Variants in NTN1 observed in about 807,000 individuals in gnomAD.
NTN1 encodes the protein netrin 1.
Under a neutral mutation model 54.2 loss-of-function variants are expected in NTN1, and 11 were observed. The observed-to-expected ratio is 0.20, with a 90% CI of 0.13 to 0.34. NTN1 has a LOEUF of 0.34. Ranked by LOEUF, NTN1 falls within the 10% of genes least tolerant of loss-of-function variation. The pLI, the probability that NTN1 is intolerant of heterozygous loss-of-function variation, is 1.00. For synonymous variants in NTN1, 371 were observed against 382.0 expected, an observed-to-expected ratio of 0.97 and a Z score of 0.33; for missense variants, 740 against 893.1, an observed-to-expected ratio of 0.83 and a Z score of 2.18.
intron 2 of NTN1, among the ~76,000 whole-genome samples, chr17:9,129,663 C>T (rs866780864): frequency 1.3e-4 from 20 of 152,168 alleles, no homozygotes; most frequent in Admixed American, 7.2e-4. Flanking sequence ...TTAAGGATGC[C>T]GTGTTTTCCA....
At chr17:9,068,207 A>C (rs1403829129) in intron 2 of NTN1, among the ~76,000 whole-genome samples, 2 of 152,026 alleles carry the variant, frequency 1.3e-5, no homozygotes, top group African/African-American at 4.8e-5. Context: ...TCTGAGACAG[A>C]GTCTTGCTTT....
At chr17:9,116,673 C>G (rs1037719920) in intron 2 of NTN1, among the ~76,000 whole-genome samples, 1 of 152,188 alleles carries the variant, frequency 6.6e-6, no homozygotes, top group Non-Finnish European at 1.5e-5. Context: ...CCTAGGAAGG[C>G]CCCAGAAGGT....
At chr17:9,178,562 GTGCTTGC>G (rs2092408319) in intron 3 of NTN1, among the ~76,000 whole-genome samples, 1 of 152,264 alleles carries the variant, frequency 6.6e-6, no homozygotes, top group Non-Finnish European at 1.5e-5. Flanking sequence ...ACGCCCAGCA[GTGCTTGC>G]TGGGAAGTTC....
intron 2 of NTN1, among the ~76,000 whole-genome samples, chr17:9,083,037 C>G (rs1384156611): frequency 1.3e-5 from 2 of 151,946 alleles, no homozygotes; most frequent in African/African-American, 4.8e-5. Context: ...CTCCTCAATA[C>G]CCTTCCCACC....
chr17:9,085,830 G>C (rs2092088438), intron 2 of NTN1, among the ~76,000 whole-genome samples: 4 of 152,170 alleles, frequency 2.6e-5, no homozygotes, highest in Admixed American at 2.6e-4. Flanking sequence ...GGATTCAGCA[G>C]AGATCAAACC....
At chr17:9,097,724 G>A (rs1484987736) in intron 2 of NTN1, among the ~76,000 whole-genome samples, 1 of 152,092 alleles carries the variant, frequency 6.6e-6, no homozygotes. Context: ...CAAATAGAAA[G>A]CACACTATTC....
intron 2 of NTN1, among the ~76,000 whole-genome samples, chr17:9,107,653 G>C (rs1054602671): frequency 2.0e-5 from 3 of 152,182 alleles, no homozygotes; most frequent in Non-Finnish European, 4.4e-5. Flanking sequence ...AGTGGGTGGT[G>C]GTCGGCAAAC....
chr17:9,047,414 A>G (rs1391705892), intron 2 of NTN1, among the ~76,000 whole-genome samples: 1 of 152,250 alleles, frequency 6.6e-6, no homozygotes, highest in African/African-American at 2.4e-5. Context: ...CAATGCTCAT[A>G]GCATCTTCAC....
intron 2 of NTN1, among the ~76,000 whole-genome samples, chr17:9,094,818 G>A (rs904706789): frequency 9.2e-5 from 14 of 151,866 alleles, no homozygotes; most frequent in South Asian, 6.2e-4. Context: ...GTGAAACCCC[G>A]TCTCTACTAC....
chr17:9,022,651 T>A lies in NTN1; in HGVS notation c.278T>A (p.Leu93His). 1 of 1,564,822 alleles carries A rather than the reference T, an allele frequency of 6.4e-7. No homozygotes were observed. Among genetic ancestry groups the A allele is most frequent in the Non-Finnish European group, 8.6e-7 (1 of 1,156,232 alleles). Residue 93 changes from leucine to histidine, a missense_variant, in exon 2 of 7, where the codon CTC (leucine) becomes CAC (histidine). Physicochemically the swap from Leu to His is moderately conservative, Grantham distance 99. Coordinates refer to ENST00000173229, the MANE Select transcript of NTN1 (RefSeq NM_004822.3). ...GAGGAGCGGCTGCGCTCGTGCCACC[T>A]CTGCAACGCGTCCGACCCCAAGAAG... Reference protein sequence around the residue: ...RGEERLRSCHLCNASDPKKAH... With the variant: ...RGEERLRSCHHCNASDPKKAH...
chr17:9,146,125 C>T (rs897596594), intron 2 of NTN1, among the ~76,000 whole-genome samples: 16 of 152,100 alleles, frequency 1.1e-4, no homozygotes, highest in African/African-American at 2.9e-4. Flanking sequence ...CTCTTCCTGC[C>T]GTACCTTCAG....
chr17:9,163,068 C>T, intron 3 of NTN1, 67 bp downstream of exon 3: 1 of 1,459,076 alleles, frequency 6.9e-7, no homozygotes, highest in East Asian at 2.5e-5. Context: ...CCGCTCCCTC[C>T]TCGCTTCCTT....
intron 2 of NTN1, among the ~76,000 whole-genome samples, chr17:9,035,853 CT>C (rs2091901776): frequency 6.6e-6 from 1 of 152,164 alleles, no homozygotes; most frequent in South Asian, 2.1e-4. Flanking sequence ...GAAACCCCAT[CT>C]CTACTAAAAA....
chr17:9,156,761 T>C (rs1440864475), intron 2 of NTN1, among the ~76,000 whole-genome samples: 1 of 152,176 alleles, frequency 6.6e-6, no homozygotes, highest in African/African-American at 2.4e-5. Flanking sequence ...GTTAAAGCAG[T>C]TGAAAGCAAC....
At chr17:9,132,390 T>C (rs1366092463) in intron 2 of NTN1, among the ~76,000 whole-genome samples, 1 of 152,200 alleles carries the variant, frequency 6.6e-6, no homozygotes. Context: ...TTGAACCTTC[T>C]ACCCAGCGCA....
chr17:9,186,329 C>A (rs1431093271), intron 5 of NTN1, among the ~76,000 whole-genome samples: 3 of 152,238 alleles, frequency 2.0e-5, no homozygotes, highest in Non-Finnish European at 4.4e-5. Flanking sequence ...AGAAACAGAG[C>A]AAAGAGGTCC....
Position 9,023,169 on chromosome 17 carries a change from G to T in NTN1, c.796G>T (p.Glu266Ter). Residue 266 changes from glutamate to a stop codon, truncating the protein, a stop_gained, in exon 2 of 7, where the codon GAG becomes TAG. Coordinates refer to ENST00000173229, the MANE Select transcript of NTN1 (RefSeq NM_004822.3). LOFTEE classifies it high-confidence loss of function. ...TFGDENEDDSELARDSYFYAV... is the reference protein window; with the variant it reads ...TFGDENEDDS ...CGGCGACGAGAACGAGGACGACTCG[G>T]AGCTGGCGCGCGACTCGTACTTCTA... is the stretch of plus-strand genomic sequence containing the variant. 1 of 1,562,898 alleles carries T rather than the reference G, an allele frequency of 6.4e-7. No homozygotes were observed.
intron 2 of NTN1, among the ~76,000 whole-genome samples, chr17:9,117,458 A>C (rs1433950274): frequency 6.6e-6 from 1 of 152,150 alleles, no homozygotes; most frequent in Non-Finnish European, 1.5e-5. Flanking sequence ...GCATTACCTC[A>C]AGAAGCTTTC....
intron 2 of NTN1, among the ~76,000 whole-genome samples, chr17:9,032,445 C>T (rs1299616974): frequency 1.3e-5 from 2 of 152,146 alleles, no homozygotes; most frequent in Non-Finnish European, 2.9e-5. Flanking sequence ...GGGCCAGGAC[C>T]CTGGTGCCTG....
Sources: gnomAD v4.1 joint callset for allele counts (sites outside exome capture counted in the v4.1 genomes callset) on GRCh38, gnomAD v4.1.1 for gene constraint, MANE v1.5 for transcripts, NCBI Gene and HGNC (gene_info 2026-07-23, HGNC 2026-07-21) for gene names.